Variants in CLMN observed in about 807,000 individuals in gnomAD.
The protein encoded by CLMN is calmin.
Under a neutral mutation model 92.7 loss-of-function variants are expected in CLMN, and 57 were observed. The ratio of observed to expected loss-of-function variants is 0.61; its 90% CI spans 0.50 to 0.77. CLMN has a LOEUF of 0.77. Ranked by LOEUF, CLMN falls within the 30% of genes least tolerant of loss-of-function variation. The pLI is 0.00. For missense variants in CLMN, 1,158 were observed against 1,237.5 expected (o/e 0.94, Z 0.96); for synonymous variants, 466 against 470.6 (o/e 0.99, Z 0.13).
At chr14:95,253,617 G>GTT (rs543744071) in intron 1 of CLMN, among the ~76,000 whole-genome samples, 25 of 140,062 alleles carry the variant, frequency 1.8e-4, no homozygotes, top group East Asian at 6.1e-4. Flanking sequence ...TTGTTTTTTT[G>GTT]TTTTTTTTTT....
At chr14:95,319,629 CG>C in intron 1 of CLMN, 81 bp downstream of exon 1, 2 of 1,131,384 alleles carry the variant, frequency 1.8e-6, no homozygotes, top group Non-Finnish European at 2.5e-6. Flanking sequence ...GGGGGCGGCG[CG>C]GGGGAGTTGC....
chr14:95,285,031 T>A (rs145910003), intron 1 of CLMN, among the ~76,000 whole-genome samples: 1 of 152,158 alleles, frequency 6.6e-6, no homozygotes, highest in Non-Finnish European at 1.5e-5. Flanking sequence ...GGGGAGGTAA[T>A]TGAATCATGG....
intron 1 of CLMN, among the ~76,000 whole-genome samples, chr14:95,280,926 TAA>T (rs1270509227): frequency 6.6e-6 from 1 of 152,244 alleles, no homozygotes; most frequent in African/African-American, 2.4e-5. Context: ...GTGGCTGCCC[TAA>T]GACTTTTTGT....
chr14:95,214,698 C>T (rs1384760679), intron 5 of CLMN, among the ~76,000 whole-genome samples: 1 of 152,066 alleles, frequency 6.6e-6, no homozygotes, highest in Non-Finnish European at 1.5e-5. Context: ...CCACTGCTCC[C>T]ATTTCACAGA....
At chr14:95,220,176 T>TG in intron 4 of CLMN, among the ~76,000 whole-genome samples, 1 of 140,326 alleles carries the variant, frequency 7.1e-6, no homozygotes, top group East Asian at 2.0e-4. Flanking sequence ...TCCCTTTTTT[T>TG]TTTTTTTTTT....
chr14:95,232,924 C>G (rs958151673), intron 1 of CLMN, among the ~76,000 whole-genome samples: 1 of 152,210 alleles, frequency 6.6e-6, no homozygotes, highest in African/African-American at 2.4e-5. Flanking sequence ...ATTGTATGAG[C>G]ATCCTGGTTC....
chr14:95,286,504 T>C (rs1900348294), intron 1 of CLMN, among the ~76,000 whole-genome samples: 1 of 152,188 alleles, frequency 6.6e-6, no homozygotes, highest in Admixed American at 6.5e-5. Flanking sequence ...GACTCCTTAA[T>C]GTGTTGGGTC....
At chr14:95,310,028 G>T (rs182272333) in intron 1 of CLMN, among the ~76,000 whole-genome samples, 1 of 152,278 alleles carries the variant, frequency 6.6e-6, no homozygotes, top group East Asian at 1.9e-4. Context: ...CTGGCTTGTA[G>T]AGGCCTGATA....
In CLMN at chr14:95,213,034, G is replaced by A. The variant is rs143196349; in HGVS notation, c.608+185C>T. Among the ~76,000 whole-genome samples, 196 of 152,212 alleles carry A rather than the reference G, an allele frequency of 1.3e-3. No homozygotes were observed. The highest frequency in any genetic ancestry group is 4.6e-3 in the African/African-American group (192 of 41,526). ...TGATCCCTGACCTGGTGATCCACTC[G>A]CCTCGGCCTCCCAAAGTGCTGGGAT... On this transcript the variant is annotated intron_variant, in intron 6 of 12. Transcript: ENST00000298912.
At chr14:95,224,467 G>A (rs1441867044) in intron 2 of CLMN, among the ~76,000 whole-genome samples, 1 of 152,096 alleles carries the variant, frequency 6.6e-6, no homozygotes, top group Admixed American at 6.5e-5. Context: ...GGTTTTAGTA[G>A]AGATGGGGTT....
intron 1 of CLMN, among the ~76,000 whole-genome samples, chr14:95,305,001 T>C (rs1901216671): frequency 6.6e-6 from 1 of 152,154 alleles, no homozygotes; most frequent in Non-Finnish European, 1.5e-5. Flanking sequence ...AGTCCCCAAC[T>C]TTTAAAGAGG....
chr14:95,291,123 T>C (rs1161940333), intron 1 of CLMN, among the ~76,000 whole-genome samples: 1 of 152,188 alleles, frequency 6.6e-6, no homozygotes, highest in Non-Finnish European at 1.5e-5. Flanking sequence ...AGAAACCACC[T>C]TGGAAAAAGC....
intron 1 of CLMN, among the ~76,000 whole-genome samples, chr14:95,238,438 T>TC (rs111993280): frequency 0.14 from 20,684 of 152,254 alleles, 2,452 homozygotes; most frequent in African/African-American, 0.31. Flanking sequence ...ATGTGGTTTT[T>TC]CACCAGCAGT....
intron 1 of CLMN, among the ~76,000 whole-genome samples, chr14:95,234,299 G>C (rs1382655775): frequency 2.6e-5 from 4 of 152,180 alleles, no homozygotes; most frequent in Non-Finnish European, 5.9e-5. Context: ...GCATTGCTCT[G>C]GTCACCGGCG....
At chr14:95,257,782 A>G (rs1899061629) in intron 1 of CLMN, among the ~76,000 whole-genome samples, 1 of 152,184 alleles carries the variant, frequency 6.6e-6, no homozygotes, top group Non-Finnish European at 1.5e-5. Context: ...TCCCAGTTGG[A>G]CTGACTTAGA....
At chr14:95,316,970 A>C (rs1901808899) in intron 1 of CLMN, among the ~76,000 whole-genome samples, 1 of 152,164 alleles carries the variant, frequency 6.6e-6, no homozygotes, top group Non-Finnish European at 1.5e-5. Flanking sequence ...CGCCACGACA[A>C]CTGCGGCTAT....
chr14:95,244,790 A>G (rs1457821784), intron 1 of CLMN, among the ~76,000 whole-genome samples: 1 of 151,990 alleles, frequency 6.6e-6, no homozygotes, highest in East Asian at 2.0e-4. Flanking sequence ...AGGACATATC[A>G]TATCACTAAC....
At chr14:95,212,874 C>T (rs912432665) in intron 6 of CLMN, among the ~76,000 whole-genome samples, 2 of 151,786 alleles carry the variant, frequency 1.3e-5, no homozygotes. Context: ...CAAGCTCCGC[C>T]TCCCAGGTTC....
intron 1 of CLMN, among the ~76,000 whole-genome samples, chr14:95,285,144 C>T (rs1036489912): frequency 2.6e-5 from 4 of 152,160 alleles, no homozygotes; most frequent in South Asian, 2.1e-4. Context: ...CATTTTCTCT[C>T]GCCACCACCA....
Sources: gnomAD v4.1 joint callset for allele counts (sites outside exome capture counted in the v4.1 genomes callset) on GRCh38, gnomAD v4.1.1 for gene constraint, MANE v1.5 for transcripts, NCBI Gene and HGNC (gene_info 2026-07-23, HGNC 2026-07-21) for gene names.